The following ROR1 variants were observed in gnomAD, a reference collection of about 807,000 sequenced individuals.
ROR1 encodes ROR family WNT receptor 1, also known as inactive tyrosine-protein kinase transmembrane receptor ROR1.
ROR1 carries 19 observed loss-of-function variants against 78.8 expected under a neutral mutation model. The observed-to-expected ratio is 0.24, with a 90% CI of 0.17 to 0.35. ROR1 has a LOEUF of 0.35. Ranked by LOEUF, ROR1 falls within the 10% of genes least tolerant of loss-of-function variation. The probability of loss-of-function intolerance (pLI) is 1.00; values close to 1 mark genes in which losing one functional copy is unlikely to be tolerated. For missense variants in ROR1, 917 were observed against 1,177.8 expected (o/e 0.78, Z 3.24); for synonymous variants, 386 against 433.6 (o/e 0.89, Z 1.36).
intron 7 of ROR1, among the ~76,000 whole-genome samples, chr1:64,147,515 C>A (rs1370623436): frequency 6.6e-6 from 1 of 152,162 alleles, no homozygotes; most frequent in Non-Finnish European, 1.5e-5. Context: ...AGGTGGGATT[C>A]CTGAGAAGAC....
chr1:63,801,116 G>T (rs1410581132), intron 1 of ROR1, among the ~76,000 whole-genome samples: 5 of 151,978 alleles, frequency 3.3e-5, no homozygotes, highest in South Asian at 2.1e-4. Flanking sequence ...GAAAATTGCT[G>T]TATTATTATG....
At chr1:63,822,979 A>G (rs1644931897) in intron 1 of ROR1, among the ~76,000 whole-genome samples, 1 of 152,192 alleles carries the variant, frequency 6.6e-6, no homozygotes, top group African/African-American at 2.4e-5. Context: ...CTGTGGAAAT[A>G]AAGTGGTTTT....
At chr1:63,983,150 A>G (rs1002915392) in intron 1 of ROR1, among the ~76,000 whole-genome samples, 6 of 152,170 alleles carry the variant, frequency 3.9e-5, no homozygotes, top group Non-Finnish European at 7.3e-5. Flanking sequence ...TCCATACTTT[A>G]TATACATTAT....
At chr1:64,103,011 G>C (rs1399285073) in intron 4 of ROR1, among the ~76,000 whole-genome samples, 1 of 152,170 alleles carries the variant, frequency 6.6e-6, no homozygotes, top group Non-Finnish European at 1.5e-5. Context: ...CAGGCCTGGT[G>C]TTACTTACAA....
chr1:64,071,664 T>C (rs1647005212), intron 4 of ROR1, among the ~76,000 whole-genome samples: 1 of 151,748 alleles, frequency 6.6e-6, no homozygotes, highest in Non-Finnish European at 1.5e-5. Context: ...CATCCTCATC[T>C]GGATTTTCCC....
chr1:64,139,097 G>A (rs574755340), intron 5 of ROR1, among the ~76,000 whole-genome samples: 1 of 148,198 alleles, frequency 6.7e-6, no homozygotes, highest in Non-Finnish European at 1.5e-5. Flanking sequence ...AAACTGGAAG[G>A]CAGAAGTTGC....
At chr1:63,834,604 C>T (rs1479611928) in intron 1 of ROR1, among the ~76,000 whole-genome samples, 1 of 152,182 alleles carries the variant, frequency 6.6e-6, no homozygotes, top group African/African-American at 2.4e-5. Flanking sequence ...GGGACTTAGG[C>T]TTACTCTTAA....
intron 7 of ROR1, among the ~76,000 whole-genome samples, chr1:64,155,001 A>G (rs1029370792): frequency 3.9e-5 from 6 of 152,352 alleles, no homozygotes; most frequent in African/African-American, 1.4e-4. Context: ...AAGGAGAATG[A>G]TGAAAAACAA....
At chr1:63,847,528 G>T (rs575079217) in intron 1 of ROR1, among the ~76,000 whole-genome samples, 38 of 152,300 alleles carry the variant, frequency 2.5e-4, no homozygotes, top group Admixed American at 2.2e-3. Context: ...CCTGCCAGAA[G>T]GATCTGAGGC....
At chr1:63,794,577 T>C (rs1644747485) in intron 1 of ROR1, among the ~76,000 whole-genome samples, 1 of 152,200 alleles carries the variant, frequency 6.6e-6, no homozygotes, top group African/African-American at 2.4e-5. Context: ...GGACCTGTTA[T>C]CAGAGGCCAG....
chr1:64,011,587 G>T (rs1646474949), intron 2 of ROR1, among the ~76,000 whole-genome samples: 1 of 152,144 alleles, frequency 6.6e-6, no homozygotes, highest in South Asian at 2.1e-4. Context: ...AGTAGTAGTT[G>T]CCCATTAAGA....
At chr1:63,817,498 G>C (rs1644899530) in intron 1 of ROR1, among the ~76,000 whole-genome samples, 2 of 152,176 alleles carry the variant, frequency 1.3e-5, no homozygotes. Flanking sequence ...TTAATTTCCT[G>C]TTGGAAGTCT....
chr1:63,971,508 G>A (rs1202103427), intron 1 of ROR1, among the ~76,000 whole-genome samples: 1 of 152,174 alleles, frequency 6.6e-6, no homozygotes, highest in Non-Finnish European at 1.5e-5. Flanking sequence ...TGATTGAGCT[G>A]TAGATATCTG....
intron 1 of ROR1, among the ~76,000 whole-genome samples, chr1:63,810,472 AC>A (rs1289440341): frequency 3.3e-5 from 5 of 152,186 alleles, no homozygotes; most frequent in Middle Eastern, 3.2e-3. Context: ...CCTTTAATGA[AC>A]TGCTAGGCAG....
intron 2 of ROR1, among the ~76,000 whole-genome samples, chr1:64,017,486 C>G (rs191105322): frequency 1.3e-5 from 2 of 152,046 alleles, no homozygotes; most frequent in Admixed American, 6.6e-5. Flanking sequence ...GGAAAATGAC[C>G]GTTTATGGTC....
chr1:64,053,949 T>C (rs1646853484), intron 4 of ROR1, among the ~76,000 whole-genome samples: 2 of 149,904 alleles, frequency 1.3e-5, no homozygotes, highest in South Asian at 2.1e-4. Context: ...CTTTTTGTTT[T>C]ATTTTATTTT....
chr1:63,804,237 A>G (rs1445727741), intron 1 of ROR1, among the ~76,000 whole-genome samples: 2 of 152,128 alleles, frequency 1.3e-5, no homozygotes, highest in African/African-American at 2.4e-5. Flanking sequence ...ATGAACCTAT[A>G]TGTGATAAAA....
Position 63,830,547 on chromosome 1 carries a change from C to A in ROR1, c.91+56039C>A, listed in dbSNP as rs1233861872. On this transcript the variant is annotated intron_variant, in intron 1 of 8. Coordinates refer to ENST00000371079, the MANE Select transcript of ROR1 (RefSeq NM_005012.4). ...CTTGTTGGTTTAAAACAACCACTAT[C>A]GTGAGAACAGCATGGGGGAAAGCAC... Among the ~76,000 whole-genome samples, 4 of 152,218 alleles carry A rather than the reference C, an allele frequency of 2.6e-5. No individual in the cohort carries two copies. The East Asian group carries it at 7.7e-4, about 29-fold the overall frequency.
At chr1:63,864,837 C>T (rs1158536297) in intron 1 of ROR1, among the ~76,000 whole-genome samples, 22 of 137,296 alleles carry the variant, frequency 1.6e-4, no homozygotes, top group Non-Finnish European at 2.8e-4. Context: ...CTCAAAATTT[C>T]AAGGTTTTTT....
Sources: allele counts gnomAD v4.1 joint callset (sites outside exome capture counted in the v4.1 genomes callset), GRCh38; gene constraint gnomAD v4.1.1; transcripts MANE v1.5; gene names NCBI Gene and HGNC (gene_info 2026-07-23, HGNC 2026-07-21).